Variants in PDE4D observed in about 807,000 individuals in gnomAD.
PDE4D encodes the protein 3',5'-cyclic-AMP phosphodiesterase 4D.
Under a neutral mutation model 87.4 loss-of-function variants are expected in PDE4D, and 24 were observed. The ratio of observed to expected loss-of-function variants is 0.27; its 90% CI spans 0.20 to 0.39. PDE4D has a LOEUF of 0.39. Ranked by LOEUF, PDE4D falls within the 10% of genes least tolerant of loss-of-function variation. The probability of loss-of-function intolerance (pLI) is 1.00; values close to 1 mark genes in which losing one functional copy is unlikely to be tolerated. For synonymous variants in PDE4D, 384 were observed against 383.2 expected (o/e 1.00, Z -0.02); for missense variants, 714 against 1,041.0 (o/e 0.69, Z 4.32).
intron 3 of PDE4D, among the ~76,000 whole-genome samples, chr5:59,980,289 A>G (rs1220263075): frequency 6.6e-6 from 1 of 152,232 alleles, no homozygotes; most frequent in Non-Finnish European, 1.5e-5. Context: ...AACAATTATT[A>G]TTGAGTGATG....
At chr5:60,383,032 T>C (rs185578618) in intron 1 of PDE4D, among the ~76,000 whole-genome samples, 2 of 152,204 alleles carry the variant, frequency 1.3e-5, no homozygotes, top group East Asian at 3.9e-4. Context: ...ACATGCAGAA[T>C]AAGAACAGGG....
upstream of PDE4D, among the ~76,000 whole-genome samples, chr5:60,488,854 C>G (rs182333835): frequency 6.6e-6 from 1 of 152,218 alleles, no homozygotes; most frequent in Admixed American, 6.5e-5. Flanking sequence ...GACACTTAGA[C>G]CACATAAGAA....
intron 2 of PDE4D, among the ~76,000 whole-genome samples, chr5:59,996,301 A>G (rs917955474): frequency 6.6e-6 from 1 of 152,212 alleles, no homozygotes; most frequent in Non-Finnish European, 1.5e-5. Flanking sequence ...ATCACTTCCA[A>G]TGCCACATTC....
chr5:59,939,724 T>C (rs1756981052), intron 3 of PDE4D, among the ~76,000 whole-genome samples: 1 of 151,952 alleles, frequency 6.6e-6, no homozygotes, highest in African/African-American at 2.4e-5. Flanking sequence ...GGAGCATAAC[T>C]AATGTGAAGG....
intron 1 of PDE4D, among the ~76,000 whole-genome samples, chr5:59,868,439 A>G (rs2152734458): frequency 6.6e-6 from 1 of 152,270 alleles, no homozygotes; most frequent in African/African-American, 2.4e-5. Context: ...CTCTGCTGAG[A>G]AAATGTACAG....
At chr5:59,804,118 C>T (rs544226386) in intron 1 of PDE4D, among the ~76,000 whole-genome samples, 1 of 152,242 alleles carries the variant, frequency 6.6e-6, no homozygotes, top group South Asian at 2.1e-4. Flanking sequence ...TATTTTGGTG[C>T]ATCCATCACC....
rs548979018 is a variant in PDE4D, at chr5:59,350,981, A to G, written c.456-135013T>C. Among the ~76,000 whole-genome samples, 9 of 152,294 alleles carry G rather than the reference A, an allele frequency of 5.9e-5. No homozygotes were observed. The South Asian group carries it at 1.9e-3, about 32-fold the overall frequency. Reference sequence around the variant, plus strand: ...AGGTAACCATTTATAAGCCAGCTCTATTGTACTATTCTGTGACCAAGAGTG... The same window carrying G: ...AGGTAACCATTTATAAGCCAGCTCTGTTGTACTATTCTGTGACCAAGAGTG... On this transcript the variant is annotated intron_variant, in intron 1 of 14. Transcript: ENST00000340635.
At chr5:59,251,515 G>A (rs573398733) in intron 1 of PDE4D, among the ~76,000 whole-genome samples, 1 of 152,130 alleles carries the variant, frequency 6.6e-6, no homozygotes, top group East Asian at 1.9e-4. Flanking sequence ...TTATTAAAAA[G>A]ACAAAAAATA....
chr5:60,403,518 C>T (rs1741266567), intron 1 of PDE4D, among the ~76,000 whole-genome samples: 3 of 152,238 alleles, frequency 2.0e-5, no homozygotes, highest in Non-Finnish European at 4.4e-5. Context: ...GAAAAGATGA[C>T]CTCTTCCCCT....
rs191105997 is a variant in PDE4D at position 59,148,037 on chromosome 5, C to T, written c.808+32558G>A. ...CAGTAGCCACTTCCATCATTTATAT[C>T]TGAGTTATTTCCTCTTTTTCTTAAT... On this transcript the variant is annotated intron_variant, in intron 5 of 14. Coordinates refer to ENST00000340635, the MANE Select transcript of PDE4D (RefSeq NM_001104631.2). 1.8e-3 allele frequency among the ~76,000 whole-genome samples: 279 copies of T among 152,198 alleles called. 1 individual carries two copies. The highest frequency in any genetic ancestry group is 6.4e-3 in the African/African-American group (267 of 41,528).
intron 1 of PDE4D, among the ~76,000 whole-genome samples, chr5:59,816,150 T>G (rs1046804571): frequency 2.0e-5 from 3 of 152,230 alleles, no homozygotes; most frequent in African/African-American, 7.2e-5. Flanking sequence ...GTTTATGAAG[T>G]ATTTTATATA....
chr5:60,414,945 G>A (rs1181594103), intron 1 of PDE4D, among the ~76,000 whole-genome samples: 4 of 152,216 alleles, frequency 2.6e-5, no homozygotes, highest in Non-Finnish European at 5.9e-5. Context: ...CAGGAAGAAG[G>A]GAAATGAAAT....
At chr5:59,408,820 A>T (rs1792164537) in intron 1 of PDE4D, among the ~76,000 whole-genome samples, 1 of 152,120 alleles carries the variant, frequency 6.6e-6, no homozygotes, top group African/African-American at 2.4e-5. Context: ...TGGGGCCTGA[A>T]GTCATTTCTT....
chr5:59,659,216 G>T (rs1456724796), intron 1 of PDE4D, among the ~76,000 whole-genome samples: 1 of 152,174 alleles, frequency 6.6e-6, no homozygotes, highest in African/African-American at 2.4e-5. Flanking sequence ...ACTTGGGTGG[G>T]TGAACAAACT....
rs74590970 is a variant in PDE4D at position 60,197,018 on chromosome 5, C to T, written c.-89-11331G>A. Among the ~76,000 whole-genome samples the T allele has an allele frequency of 6.5e-5, 8 of 123,586 alleles. No individual in the cohort carries two copies. The East Asian group carries it at 2.0e-3, about 31-fold the overall frequency. The allele number at this position is 123,586 out of a possible 152,430, so 81.1% of individuals were successfully genotyped here. The stretch of plus-strand genomic sequence containing the variant: ...GCCTCTCTGGCAAAAACAAGATAGG[C>T]AGATAGATAGATAGATAGATAGATA... On this transcript the variant is annotated intron_variant, in intron 1 of 16. Transcript: ENST00000502484.
At chr5:59,168,674 A>C (rs899961155) in intron 5 of PDE4D, among the ~76,000 whole-genome samples, 1 of 151,560 alleles carries the variant, frequency 6.6e-6, no homozygotes, top group African/African-American at 2.4e-5. Flanking sequence ...AAAAAAGAAA[A>C]AGAAAGAGAG....
At chr5:59,301,465 A>G (rs1770238171) in intron 1 of PDE4D, among the ~76,000 whole-genome samples, 1 of 152,210 alleles carries the variant, frequency 6.6e-6, no homozygotes, top group East Asian at 1.9e-4. Context: ...TTTAACGTGT[A>G]GAGATGAAAA....
At chr5:59,847,713 C>T (rs1257529921) in intron 1 of PDE4D, among the ~76,000 whole-genome samples, 2 of 152,026 alleles carry the variant, frequency 1.3e-5, no homozygotes, top group African/African-American at 4.8e-5. Context: ...ACCAGGAAAA[C>T]CTCTATAATC....
intron 6 of PDE4D, among the ~76,000 whole-genome samples, chr5:59,021,553 T>G (rs1346904547): frequency 6.6e-6 from 1 of 152,254 alleles, no homozygotes; most frequent in African/African-American, 2.4e-5. Flanking sequence ...ACCTATCATA[T>G]GTCCCCACCA....
Sources: gnomAD v4.1 joint callset for allele counts (sites outside exome capture counted in the v4.1 genomes callset) on GRCh38, gnomAD v4.1.1 for gene constraint, MANE v1.5 for transcripts, NCBI Gene and HGNC (gene_info 2026-07-23, HGNC 2026-07-21) for gene names.